The following SAP30BP variants were observed in gnomAD, a reference collection of about 807,000 sequenced individuals.
The protein encoded by SAP30BP is SAP30-binding protein.
Under a neutral mutation model 46.3 loss-of-function variants are expected in SAP30BP, and 31 were observed. The observed-to-expected ratio is 0.67, with a 90% CI of 0.50 to 0.90. The LOEUF is 0.90. Among genes scored for constraint, SAP30BP ranks in the 40% least tolerant of loss-of-function variants. The pLI, the probability that SAP30BP is intolerant of heterozygous loss-of-function variation, is 0.00. For missense variants in SAP30BP, 312 were observed against 391.0 expected (o/e 0.80, Z 1.70); for synonymous variants, 169 against 144.2 (o/e 1.17, Z -1.23).
intron 3 of SAP30BP, among the ~76,000 whole-genome samples, chr17:75,689,723 C>T (rs150703264): frequency 6.8e-4 from 103 of 152,222 alleles, no homozygotes; most frequent in Middle Eastern, 3.4e-3. Context: ...CATTTCAAAA[C>T]GCTGCTGGCG....
At chr17:75,702,681 C>G (rs2060431676) in intron 6 of SAP30BP, 110 bp downstream of exon 6, 1 of 545,846 alleles carries the variant, frequency 1.8e-6, no homozygotes, top group African/African-American at 1.9e-5. Flanking sequence ...AACCATCACC[C>G]AGACTTGTCA....
intron 4 of SAP30BP, among the ~76,000 whole-genome samples, chr17:75,694,111 G>A (rs1037179316): frequency 4.6e-5 from 7 of 152,146 alleles, no homozygotes; most frequent in Non-Finnish European, 8.8e-5. Flanking sequence ...GCTCTTGGTG[G>A]GGTTGGCCCT....
chr17:75,685,246 C>T (rs820225), intron 3 of SAP30BP, among the ~76,000 whole-genome samples: 46,133 of 152,052 alleles, frequency 0.3, 7,221 homozygotes, highest in Middle Eastern at 0.37. Flanking sequence ...GGACTCATTT[C>T]TTTGAAATTA....
At position 75,691,479 on chromosome 17, in the gene SAP30BP, A is replaced by G. The variant is rs1238833903; in HGVS notation, c.265-1961A>G. 3 of 456,678 alleles carry G rather than the reference A, an allele frequency of 6.6e-6. No homozygotes were observed. In the East Asian group the frequency reaches 2.1e-4, roughly 32 times the overall value. 28.3% of individuals were successfully genotyped at this position (456,678 alleles called of 1,614,324 possible). ...TCTCCAGGTTCACAAAAGCCACAAG[A>G]AGCCACGGGGAGGCTCCTGGCCTCT... On this transcript the variant is annotated intron_variant, in intron 3 of 10. Coordinates refer to ENST00000584667, the MANE Select transcript of SAP30BP (RefSeq NM_013260.8).
rs1190754450 is a variant in SAP30BP, at chr17:75,668,499, G to GT, written c.107-11dup. On this transcript the variant is annotated splice_polypyrimidine_tract_variant and intron_variant, in intron 1 of 10. Coordinates refer to ENST00000584667, the MANE Select transcript of SAP30BP (RefSeq NM_013260.8). The stretch of plus-strand genomic sequence containing the variant: ...TTTCTTGCTTTTTGTTTGTTTGTTT[G>GT]TTTTTTAACCTTTCAGAGGAGAAAG... The GT allele has an allele frequency of 1.4e-6, 2 of 1,411,750 alleles. No individual in the cohort carries two copies. Among genetic ancestry groups the GT allele is most frequent in the Non-Finnish European group, 1.9e-6 (2 of 1,040,306 alleles). 87.5% of individuals were successfully genotyped at this position (1,411,750 alleles called of 1,614,324 possible).
chr17:75,706,633 C>G lies in SAP30BP; in HGVS notation c.*112C>G. On this transcript the variant is annotated 3_prime_UTR_variant, in exon 11 of 11. Coordinates refer to ENST00000584667, the MANE Select transcript of SAP30BP (RefSeq NM_013260.8). This position sits in a 1 kb window ranked among gnomAD's most constrained non-coding sequence, Gnocchi z 4.6. ...CTGGGACCTACTCCCCAGATGCCAC[C>G]TGAGAGGAGCTTCTGTTTGGCATTC... 1 of 958,270 alleles carries G rather than the reference C, an allele frequency of 1.0e-6. No individual in the cohort carries two copies. Among genetic ancestry groups the G allele is most frequent in the Admixed American group, 2.5e-5 (1 of 40,218 alleles). 59.4% of individuals were successfully genotyped at this position (958,270 alleles called of 1,614,324 possible). A position where few individuals can be genotyped will look rare whatever the true frequency, so the allele number is the denominator to read the frequency against.
intron 3 of SAP30BP, among the ~76,000 whole-genome samples, chr17:75,675,704 C>A (rs2059979522): frequency 6.6e-6 from 1 of 152,070 alleles, no homozygotes; most frequent in South Asian, 2.1e-4. Context: ...TGGTTGAGCC[C>A]AGGAGTTTGA....
chr17:75,672,334 C>T (rs1373577429), intron 3 of SAP30BP, among the ~76,000 whole-genome samples: 1 of 152,220 alleles, frequency 6.6e-6, no homozygotes, highest in East Asian at 1.9e-4. Context: ...GGGTCTAATG[C>T]TCATTTTCCT....
At chr17:75,677,368 G>A (rs2060007197) in intron 3 of SAP30BP, among the ~76,000 whole-genome samples, 1 of 151,252 alleles carries the variant, frequency 6.6e-6, no homozygotes, top group Non-Finnish European at 1.5e-5. Flanking sequence ...CTCCCAAAGT[G>A]CTGGGATTAC....
chr17:75,692,759 T>G (rs1459742279), intron 3 of SAP30BP: 1 of 153,058 alleles, frequency 6.5e-6, no homozygotes, highest in Non-Finnish European at 1.5e-5. Context: ...AAGCTTTTCT[T>G]TGGAGGGAGT....
chr17:75,682,733 G>A (rs1423020643), intron 3 of SAP30BP, among the ~76,000 whole-genome samples: 1 of 151,896 alleles, frequency 6.6e-6, no homozygotes, highest in African/African-American at 2.4e-5. Flanking sequence ...GGAGGCCAAG[G>A]CGGGCGAATC....
intron 3 of SAP30BP, among the ~76,000 whole-genome samples, chr17:75,673,096 A>G (rs1449367238): frequency 6.6e-6 from 1 of 152,214 alleles, no homozygotes; most frequent in Non-Finnish European, 1.5e-5. Flanking sequence ...GAGCTGTTCC[A>G]TATTTGAGCT....
At chr17:75,669,835 A>G (rs778449034) in intron 2 of SAP30BP, among the ~76,000 whole-genome samples, 56 of 152,314 alleles carry the variant, frequency 3.7e-4, no homozygotes, top group Non-Finnish European at 4.1e-4. Context: ...TTAGACACAT[A>G]ATCACCTGAG....
chr17:75,691,592 G>T, intron 3 of SAP30BP: 1 of 423,632 alleles, frequency 2.4e-6, no homozygotes, highest in South Asian at 1.7e-5. Flanking sequence ...CTGTGGCTTT[G>T]GGGTAGACAT....
chr17:75,686,448 G>A (rs1447778430), intron 3 of SAP30BP, among the ~76,000 whole-genome samples: 2 of 152,058 alleles, frequency 1.3e-5, no homozygotes, highest in East Asian at 1.9e-4. Context: ...CCCTGGAGGC[G>A]GAGCTTGCAG....
At chr17:75,677,188 C>G (rs1029399516) in intron 3 of SAP30BP, among the ~76,000 whole-genome samples, 1 of 149,912 alleles carries the variant, frequency 6.7e-6, no homozygotes, top group African/African-American at 2.4e-5. Flanking sequence ...TCACTGCAAC[C>G]TCTGCCTTCC....
chr17:75,701,022 C>T (rs2060402048), intron 5 of SAP30BP, among the ~76,000 whole-genome samples: 1 of 152,126 alleles, frequency 6.6e-6, no homozygotes, highest in Non-Finnish European at 1.5e-5. Flanking sequence ...CCTCCATGAC[C>T]CTGGAGGAGA....
chr17:75,674,682 TTTTG>T (rs1274872775), intron 3 of SAP30BP, among the ~76,000 whole-genome samples: 10 of 142,830 alleles, frequency 7.0e-5, no homozygotes, highest in African/African-American at 1.3e-4. Context: ...TATGAAGTTT[TTTTG>T]TTTGTTTTTT....
chr17:75,670,516 CTCTTT>C (rs3071623), intron 2 of SAP30BP, among the ~76,000 whole-genome samples: 68,066 of 151,536 alleles, frequency 0.45, 18,133 homozygotes, highest in Non-Finnish European at 0.6. Flanking sequence ...ATATTCATAA[CTCTTT>C]TCTTTAGTAC....
Sources: gnomAD v4.1 joint callset for allele counts (sites outside exome capture counted in the v4.1 genomes callset) on GRCh38, gnomAD v4.1.1 for gene constraint, Gnocchi (gnomAD v3.1) non-coding constraint, MANE v1.5 for transcripts, NCBI Gene and HGNC (gene_info 2026-07-23, HGNC 2026-07-21) for gene names.